The following CNST variants were observed in gnomAD, a reference collection of about 807,000 sequenced individuals.
The protein encoded by CNST is consortin, connexin sorting protein.
Under a neutral mutation model 72.4 loss-of-function variants are expected in CNST, and 39 were observed. The ratio of observed to expected loss-of-function variants is 0.54; its 90% CI spans 0.42 to 0.70. CNST has a LOEUF of 0.70. Ranked by LOEUF, CNST falls within the 30% of genes least tolerant of loss-of-function variation. CNST has a pLI of 0.00. For synonymous variants in CNST, 332 were observed against 320.1 expected, an observed-to-expected ratio of 1.04 and a Z score of -0.40; for missense variants, 871 against 868.5, an observed-to-expected ratio of 1.00 and a Z score of -0.04.
At chr1:246,587,603 A>T (rs1482704931) in intron 1 of CNST, among the ~76,000 whole-genome samples, 3 of 152,210 alleles carry the variant, frequency 2.0e-5, no homozygotes. Flanking sequence ...CACAATTTGG[A>T]TGTGTTTACT....
chr1:246,623,223 C>T (rs73132568), intron 3 of CNST, among the ~76,000 whole-genome samples: 10,122 of 151,990 alleles, frequency 0.067, 1,071 homozygotes, highest in African/African-American at 0.22. Flanking sequence ...AATTTTTAAC[C>T]CATTTAGAAA....
chr1:246,661,268 A>C (rs1667091129), intron 10 of CNST, among the ~76,000 whole-genome samples: 1 of 151,640 alleles, frequency 6.6e-6, no homozygotes, highest in South Asian at 2.1e-4. Context: ...GAGCCACCGC[A>C]CCAGGCCCTG....
At chr1:246,599,380 G>A (rs1351430093) in intron 2 of CNST, among the ~76,000 whole-genome samples, 5 of 152,178 alleles carry the variant, frequency 3.3e-5, no homozygotes, top group South Asian at 2.1e-4. Context: ...CTTTCTGGAT[G>A]CTCCCTGGGA....
intron 10 of CNST, 91 bp downstream of exon 10, chr1:246,660,425 A>T: frequency 7.0e-7 from 1 of 1,424,732 alleles, no homozygotes; most frequent in Non-Finnish European, 9.6e-7. Context: ...TACTAACAGG[A>T]TTTGTAAAAG....
chr1:246,567,445 T>G (rs916381577), intron 1 of CNST, among the ~76,000 whole-genome samples: 1 of 152,028 alleles, frequency 6.6e-6, no homozygotes, highest in Non-Finnish European at 1.5e-5. Context: ...CTTTTACCCA[T>G]TATCCTTACC....
intron 1 of CNST, among the ~76,000 whole-genome samples, chr1:246,588,708 A>G (rs1278717146): frequency 6.6e-6 from 1 of 152,220 alleles, no homozygotes. Flanking sequence ...ATCAATGTGT[A>G]GAATTAATAA....
intron 1 of CNST, among the ~76,000 whole-genome samples, chr1:246,586,570 C>T (rs774228183): frequency 6.6e-5 from 10 of 151,522 alleles, no homozygotes; most frequent in Non-Finnish European, 1.3e-4. Context: ...TCTTTTTTAA[C>T]GTGATGTTGG....
In CNST at chr1:246,642,132, G is replaced by GTTTTTT. The variant is rs1491252940; in HGVS notation, c.937+95_937+96insTTTTTT. On this transcript the variant is annotated intron_variant, in intron 8 of 10. Coordinates refer to ENST00000366513, the MANE Select transcript of CNST (RefSeq NM_152609.3). ...ACATCTGAATTGCTGCAAAGGATCTGGTTTTTTTTTTTTTTTTTTTTTGCA... is the reference window on the plus strand; with the variant it reads ...ACATCTGAATTGCTGCAAAGGATCTGTTTTTTGTTTTTTTTTTTTTTTTTTTTTGCA... The GTTTTTT allele has an allele frequency of 7.9e-3, 1,566 of 198,234 alleles. 254 individuals carry two copies. The African/African-American group carries it at 0.079, about 10-fold the overall frequency. 12.3% of individuals were successfully genotyped at this position (198,234 alleles called of 1,614,324 possible).
intron 1 of CNST, among the ~76,000 whole-genome samples, chr1:246,581,352 C>T (rs1660771268): frequency 6.6e-6 from 1 of 152,114 alleles, no homozygotes; most frequent in South Asian, 2.1e-4. Flanking sequence ...TGCAACCTGT[C>T]TCCCGGGTTC....
rs545434682 is a variant in CNST, at chr1:246,665,956, T to G, written c.*51T>G. On this transcript the variant is annotated 3_prime_UTR_variant, in exon 11 of 11. Coordinates refer to ENST00000366513, the MANE Select transcript of CNST (RefSeq NM_152609.3). ...GCAGTGAGAGTGAAAGGCGGGAGAC[T>G]TTCTAAACAGTTTTTCTTTCAGGAA... is the stretch of plus-strand genomic sequence containing the variant. The G allele has an allele frequency of 7.5e-7, 1 of 1,329,580 alleles. No individual in the cohort carries two copies. Among genetic ancestry groups the G allele is most frequent in the Admixed American group, 1.8e-5 (1 of 54,556 alleles). 82.4% of individuals were successfully genotyped at this position (1,329,580 alleles called of 1,614,324 possible). A position where few individuals can be genotyped will look rare whatever the true frequency, so the allele number is the denominator to read the frequency against.
At chr1:246,633,579 A>G (rs1664923625) in intron 4 of CNST, among the ~76,000 whole-genome samples, 1 of 152,044 alleles carries the variant, frequency 6.6e-6, no homozygotes, top group Non-Finnish European at 1.5e-5. Context: ...CGTCTCTACT[A>G]AAAATACAAA....
At chr1:246,569,134 A>G (rs978911978) in intron 1 of CNST, among the ~76,000 whole-genome samples, 4 of 152,238 alleles carry the variant, frequency 2.6e-5, no homozygotes, top group African/African-American at 4.8e-5. Context: ...GCAGTCTTCA[A>G]TAGAAATACA....
intron 4 of CNST, among the ~76,000 whole-genome samples, chr1:246,633,396 C>T (rs1664902911): frequency 6.6e-6 from 1 of 151,470 alleles, no homozygotes; most frequent in Non-Finnish European, 1.5e-5. Flanking sequence ...TTGCAATAAG[C>T]CAAGGTGGCA....
At chr1:246,660,367 G>T (rs967665964) in intron 10 of CNST, 33 bp downstream of exon 10, 1 of 1,595,722 alleles carries the variant, frequency 6.3e-7, no homozygotes, top group African/African-American at 1.4e-5. Flanking sequence ...TAGCAGGATA[G>T]ATGCTCAGTG....
intron 2 of CNST, among the ~76,000 whole-genome samples, chr1:246,599,843 A>G (rs938233861): frequency 3.3e-5 from 5 of 152,242 alleles, no homozygotes; most frequent in Admixed American, 1.3e-4. Flanking sequence ...GTAGACCCGT[A>G]CAGGATTACA....
At chr1:246,636,334 C>T (rs914622793) in intron 6 of CNST, among the ~76,000 whole-genome samples, 42 of 152,032 alleles carry the variant, frequency 2.8e-4, no homozygotes, top group Non-Finnish European at 1.0e-4. Flanking sequence ...GGTCGACGGG[C>T]GTTCCTGAGA....
At chr1:246,646,046 G>A (rs1430555025) in intron 8 of CNST, among the ~76,000 whole-genome samples, 12 of 151,990 alleles carry the variant, frequency 7.9e-5, no homozygotes, top group Admixed American at 7.2e-4. Flanking sequence ...TTGGGAGGCC[G>A]AGGCGGGCAG....
intron 1 of CNST, among the ~76,000 whole-genome samples, chr1:246,567,710 C>T (rs995387372): frequency 6.6e-6 from 1 of 152,150 alleles, no homozygotes; most frequent in African/African-American, 2.4e-5. Context: ...AATATCTCAT[C>T]AACTGTTGTG....
chr1:246,618,526 C>T (rs558219573), intron 2 of CNST, among the ~76,000 whole-genome samples: 113 of 151,984 alleles, frequency 7.4e-4, no homozygotes, highest in Non-Finnish European at 1.0e-3. Context: ...AGTGTGACCC[C>T]TCTGAGCCTA....
Sources: allele counts gnomAD v4.1 joint callset (sites outside exome capture counted in the v4.1 genomes callset), GRCh38; gene constraint gnomAD v4.1.1; transcripts MANE v1.5; gene names NCBI Gene and HGNC (gene_info 2026-07-23, HGNC 2026-07-21).